Variants in HERC3 observed in about 807,000 individuals in gnomAD.
HERC3 encodes the protein probable E3 ubiquitin-protein ligase HERC3.
Under a neutral mutation model 129.9 loss-of-function variants are expected in HERC3, and 58 were observed. The ratio of observed to expected loss-of-function variants is 0.45; its 90% CI spans 0.36 to 0.56. HERC3 has a LOEUF of 0.56. HERC3 is among the 20% of genes least tolerant of loss of function. The probability of loss-of-function intolerance (pLI) is 0.00; values close to 1 mark genes in which losing one functional copy is unlikely to be tolerated. For synonymous variants in HERC3, 430 were observed against 451.0 expected, an observed-to-expected ratio of 0.95 and a Z score of 0.59; for missense variants, 835 against 1,244.2, an observed-to-expected ratio of 0.67 and a Z score of 4.95.
At chr4:88,539,016 G>A in the HERC3 span, among the ~76,000 whole-genome samples, 1 of 152,204 alleles carries the variant, frequency 6.6e-6, no homozygotes, top group East Asian at 1.9e-4. Flanking sequence ...GCAGAAGACA[G>A]GTGATTTCTG....
intron 3 of HERC3, among the ~76,000 whole-genome samples, chr4:88,632,835 A>C (rs1346090210): frequency 6.6e-6 from 1 of 152,236 alleles, no homozygotes; most frequent in African/African-American, 2.4e-5. Context: ...GATGTAGTGC[A>C]AAACTGGAAA....
rs1313526084 is a variant in HERC3 at position 88,636,337 on chromosome 4, G to T, written c.227-13503G>T. On this transcript the variant is annotated intron_variant, in intron 3 of 25. Transcript: ENST00000402738. The stretch of plus-strand genomic sequence containing the variant: ...CAAATGGAAAGTGGAAAAAAGCAGG[G>T]GTTGCAATCCTAGTCTCTGACAGAA... Among the ~76,000 whole-genome samples, 3 of 152,062 alleles carry T rather than the reference G, an allele frequency of 2.0e-5. No individual in the cohort carries two copies. In the East Asian group the frequency reaches 5.8e-4, roughly 29 times the overall value.
At chr4:88,649,455 C>T (rs1560717088) in intron 3 of HERC3, among the ~76,000 whole-genome samples, 4 of 152,054 alleles carry the variant, frequency 2.6e-5, no homozygotes, top group Admixed American at 2.6e-4. Context: ...CAGAGTTTCA[C>T]TCACTCCCGC....
At chr4:88,602,246 CA>C (rs1723076065) in intron 2 of HERC3, among the ~76,000 whole-genome samples, 1 of 150,518 alleles carries the variant, frequency 6.6e-6, no homozygotes, top group South Asian at 2.1e-4. Flanking sequence ...ACTAAAATAC[CA>C]AAAAAATAGT....
At chr4:88,645,523 T>A (rs2149263005) in intron 3 of HERC3, among the ~76,000 whole-genome samples, 1 of 152,230 alleles carries the variant, frequency 6.6e-6, no homozygotes, top group Admixed American at 6.5e-5. Flanking sequence ...TCCCTCCTTA[T>A]CTGCAGGGGA....
chr4:88,612,188 G>A (rs182812095), intron 3 of HERC3, among the ~76,000 whole-genome samples: 8 of 152,088 alleles, frequency 5.3e-5, no homozygotes, highest in Admixed American at 4.6e-4. Context: ...TTAAGAATAT[G>A]TAACAGTTAA....
Position 88,670,159 on chromosome 4 carries a change from T to A in HERC3, c.1818T>A (p.His606Gln), listed in dbSNP as rs1274656332. The part of the protein sequence containing the change: ...KLYKVNLKVK[H>Q]VEYDTFYIPE... Reference sequence around the variant, plus strand: ...ATTAGGTAAATCTTAAAGTGAAGCATGTGGAATATGATACATTTTACATTC... The same window carrying A: ...ATTAGGTAAATCTTAAAGTGAAGCAAGTGGAATATGATACATTTTACATTC... The change falls in exon 16 of 26, where the codon CAT becomes CAA. Residue 606 changes from histidine to glutamine, a missense_variant. His to Gln is a conservative substitution (Grantham distance 24, BLOSUM62 0). Transcript: ENST00000402738. The A allele has an allele frequency of 3.7e-6, 6 of 1,613,118 alleles. No individual in the cohort carries two copies. The highest frequency in any genetic ancestry group is 4.2e-6 in the Non-Finnish European group (5 of 1,179,134).
At chr4:88,554,678 T>C in the HERC3 span, among the ~76,000 whole-genome samples, 1 of 152,108 alleles carries the variant, frequency 6.6e-6, no homozygotes, top group Non-Finnish European at 1.5e-5. Context: ...ATTTTTGACA[T>C]GTTAGAGGAG....
chr4:88,559,355 G>A, the HERC3 span, among the ~76,000 whole-genome samples: 3 of 152,098 alleles, frequency 2.0e-5, no homozygotes, highest in South Asian at 6.2e-4. Context: ...GTCTACATTA[G>A]ATCTCTAGAT....
intron 23 of HERC3, among the ~76,000 whole-genome samples, chr4:88,699,913 A>G (rs1735171542): frequency 6.6e-6 from 1 of 152,172 alleles, no homozygotes; most frequent in Non-Finnish European, 1.5e-5. Flanking sequence ...AAATACAGTA[A>G]TGTAAGCACT....
chr4:88,562,809 G>A, the HERC3 span, among the ~76,000 whole-genome samples: 75 of 152,276 alleles, frequency 4.9e-4, no homozygotes, highest in African/African-American at 1.6e-3. Flanking sequence ...TGAATTCACT[G>A]TAGATGTATG....
chr4:88,639,977 A>G (rs1329612160), intron 3 of HERC3, among the ~76,000 whole-genome samples: 1 of 152,240 alleles, frequency 6.6e-6, no homozygotes, highest in African/African-American at 2.4e-5. Flanking sequence ...ACATGAAAAA[A>G]GCTCAACATT....
the HERC3 span, among the ~76,000 whole-genome samples, chr4:88,553,572 G>A: frequency 6.6e-6 from 1 of 152,180 alleles, no homozygotes; most frequent in Non-Finnish European, 1.5e-5. Context: ...AGACAATTAA[G>A]AAGGAAAATA....
chr4:88,605,053 T>C (rs1433489761), intron 2 of HERC3, among the ~76,000 whole-genome samples: 1 of 152,092 alleles, frequency 6.6e-6, no homozygotes. Context: ...ATAGAAGAGG[T>C]CTGTGTTATA....
intron 23 of HERC3, among the ~76,000 whole-genome samples, chr4:88,700,379 A>G (rs1199374089): frequency 6.6e-6 from 1 of 152,130 alleles, no homozygotes; most frequent in Admixed American, 6.5e-5. Flanking sequence ...CTGTTTCCCA[A>G]AGTGGCTTTA....
chr4:88,569,671 C>T, the HERC3 span, among the ~76,000 whole-genome samples: 1 of 152,234 alleles, frequency 6.6e-6, no homozygotes. Flanking sequence ...TATCCACGTA[C>T]CCATGAAAGT....
At chr4:88,650,086 C>T in intron 4 of HERC3, 87 bp downstream of exon 4, 1 of 1,321,528 alleles carries the variant, frequency 7.6e-7, no homozygotes, top group Non-Finnish European at 1.0e-6. Flanking sequence ...CTGTTTTCTT[C>T]ATTTAATTGC....
chr4:88,605,699 G>A, intron 2 of HERC3, 96 bp from the exon 3 acceptor site: 1 of 648,962 alleles, frequency 1.5e-6, no homozygotes, highest in South Asian at 2.2e-5. Context: ...AATATTAAGG[G>A]GAGGGTTATT....
intron 12 of HERC3, among the ~76,000 whole-genome samples, chr4:88,665,825 T>C (rs10516814): frequency 0.15 from 23,018 of 152,212 alleles, 1,844 homozygotes; most frequent in East Asian, 0.2. Flanking sequence ...ACAATTCATT[T>C]CATATTTAGT....
Sources: gnomAD v4.1 joint callset for allele counts (sites outside exome capture counted in the v4.1 genomes callset) on GRCh38, gnomAD v4.1.1 for gene constraint, MANE v1.5 for transcripts, NCBI Gene and HGNC (gene_info 2026-07-23, HGNC 2026-07-21) for gene names.